Variants in ZNF429 observed in about 807,000 individuals in gnomAD.
ZNF429 encodes zinc finger protein 429.
ZNF429 carries 53 observed loss-of-function variants against 56.8 expected under a neutral mutation model. The observed-to-expected ratio is 0.93, with a 90% CI of 0.75 to 1.17. ZNF429 has a LOEUF of 1.17. ZNF429 is among the 50% of genes most tolerant of loss of function. The pLI is 0.00. For synonymous variants in ZNF429, 278 were observed against 264.7 expected, an observed-to-expected ratio of 1.05 and a Z score of -0.49; for missense variants, 849 against 788.4, an observed-to-expected ratio of 1.08 and a Z score of -0.92.
intron 1 of ZNF429, 112 bp downstream of exon 1, chr19:21,505,886 C>A: frequency 1.7e-6 from 2 of 1,195,028 alleles, no homozygotes; most frequent in Non-Finnish European, 2.4e-6. Context: ...AATCTGCGCC[C>A]GGAATTCTCC....
chr19:21,516,037 GTTTTTTGT>G (rs918578504), intron 1 of ZNF429, among the ~76,000 whole-genome samples: 5 of 151,506 alleles, frequency 3.3e-5, no homozygotes, highest in East Asian at 1.9e-4. Flanking sequence ...CTCCAGCTTT[GTTTTTTGT>G]TTTTTTGTTT....
intron 3 of ZNF429, among the ~76,000 whole-genome samples, chr19:21,532,688 A>G: frequency 6.9e-6 from 1 of 144,378 alleles, no homozygotes; most frequent in Non-Finnish European, 1.5e-5. Flanking sequence ...AGATGCCTCT[A>G]TGTGAGAGGA....
In ZNF429 at chr19:21,538,639, A is replaced by T. The variant is rs1027422236; in HGVS notation, c.*561A>T. ...AAATAAAAGAAAGAAAATTCATAGT[A>T]GAGAGAAACCTTACAAATGTGTAGA... On this transcript the variant is annotated 3_prime_UTR_variant, in exon 4 of 4. Coordinates refer to ENST00000358491, the MANE Select transcript of ZNF429 (RefSeq NM_001001415.4). The T allele has an allele frequency of 6.6e-6, 1 of 152,222 alleles. No homozygotes were observed. Among genetic ancestry groups the T allele is most frequent in the Non-Finnish European group, 1.5e-5 (1 of 68,066 alleles). The allele number at this position is 152,222 out of a possible 1,614,324, so 9.4% of individuals were successfully genotyped here.
chr19:21,510,101 G>T (rs2032378780), intron 1 of ZNF429, among the ~76,000 whole-genome samples: 1 of 152,062 alleles, frequency 6.6e-6, no homozygotes, highest in Admixed American at 6.6e-5. Flanking sequence ...TAGAGGCGGG[G>T]TTTCACCATG....
intron 1 of ZNF429, among the ~76,000 whole-genome samples, chr19:21,513,589 T>C (rs2032601970): frequency 6.6e-6 from 1 of 152,186 alleles, no homozygotes; most frequent in Non-Finnish European, 1.5e-5. Context: ...ATTGAGTTGC[T>C]GTTGGAGAAT....
chr19:21,514,366 CTTG>C (rs1002317411), intron 1 of ZNF429, among the ~76,000 whole-genome samples: 9 of 152,054 alleles, frequency 5.9e-5, no homozygotes, highest in African/African-American at 2.2e-4. Flanking sequence ...GGCCTCAGTG[CTTG>C]TTGTTCCTCT....
rs1007347259 is a variant in ZNF429 at position 21,538,855 on chromosome 19, TATC to T, written c.*781_*783del. On this transcript the variant is annotated 3_prime_UTR_variant, in exon 4 of 4. Coordinates refer to ENST00000358491, the MANE Select transcript of ZNF429 (RefSeq NM_001001415.4). ...TACTGTCAAACAATCTTGTAGAAAA[TATC>T]ATCCTTTAAAGTGAATGAGACTAGT... Among the ~76,000 whole-genome samples, 16 of 152,130 alleles carry T rather than the reference TATC, an allele frequency of 1.1e-4. No homozygotes were observed. Among genetic ancestry groups the T allele is most frequent in the African/African-American group, 2.9e-4 (12 of 41,438 alleles).
intron 3 of ZNF429, among the ~76,000 whole-genome samples, chr19:21,531,093 T>C: frequency 0.25 from 24,986 of 99,100 alleles, 2,551 homozygotes; most frequent in Middle Eastern, 0.37. Context: ...GCAACAAGAG[T>C]GAAACTCCAT....
At chr19:21,529,374 T>C (rs1439016467) in intron 1 of ZNF429, 1 of 387,758 alleles carries the variant, frequency 2.6e-6, no homozygotes. Context: ...TATGTTTCTG[T>C]TCATGCCCTT....
chr19:21,537,016 CT>C lies in ZNF429; in HGVS notation c.966del (p.Phe322LeufsTer40), dbSNP rs1313049070. 6.2e-7 allele frequency: 1 copy of C among 1,610,994 alleles called. No individual in the cohort carries two copies. The highest frequency in any genetic ancestry group is 8.5e-7 in the Non-Finnish European group (1 of 1,179,040). Reference sequence around the variant, plus strand: ...ACAAATGTAAAGAATGTGGCAAAGCCTTTAACCGGTCCTCAACCCTTACTAG... The same window carrying C: ...ACAAATGTAAAGAATGTGGCAAAGCCTTAACCGGTCCTCAACCCTTACTAG... ...PYKCKECGKA[F>X]NRSSTLTSHK... On this transcript the variant is annotated frameshift_variant, in exon 4 of 4. Coordinates refer to ENST00000358491, the MANE Select transcript of ZNF429 (RefSeq NM_001001415.4). LOFTEE classifies it high-confidence loss of function.
chr19:21,537,752 T>C lies in ZNF429; in HGVS notation c.1699T>C (p.Cys567Arg). The C allele has an allele frequency of 1.2e-6, 2 of 1,613,520 alleles. No homozygotes were observed. ...TCATACTGGAGAGAAACCCTACAAATGTAAACAATGTGACAAAGCTTTTAC... is the reference window on the plus strand; with the variant it reads ...TCATACTGGAGAGAAACCCTACAAACGTAAACAATGTGACAAAGCTTTTAC... ...KIHTGEKPYK[C>R]KQCDKAFTHS... Residue 567 changes from cysteine to arginine, a missense_variant, in exon 4 of 4, where the codon TGT (cysteine) becomes CGT (arginine). By Grantham distance (180) the Cys-to-Arg change is radical. Transcript: ENST00000358491.
At chr19:21,506,791 T>G (rs2032192077) in intron 1 of ZNF429, among the ~76,000 whole-genome samples, 1 of 131,016 alleles carries the variant, frequency 7.6e-6, no homozygotes, top group Non-Finnish European at 1.6e-5. Flanking sequence ...TTTTTTGAGA[T>G]GGAGTTTCCC....
intron 1 of ZNF429, chr19:21,521,965 G>A (rs2032999190): frequency 6.6e-6 from 1 of 152,350 alleles, no homozygotes; most frequent in Non-Finnish European, 1.5e-5. Flanking sequence ...TATGATGTGA[G>A]CTGCCAGCTG....
chr19:21,512,876 T>G (rs2032566288), intron 1 of ZNF429, among the ~76,000 whole-genome samples: 1 of 139,622 alleles, frequency 7.2e-6, no homozygotes. Context: ...CATCTAAGTC[T>G]TTTTTTTTTT....
chr19:21,536,339 C>G lies in ZNF429; in HGVS notation c.286C>G (p.Gln96Glu). Residue 96 changes from glutamine to glutamate, a missense_variant, in exon 4 of 4, where the codon CAA (glutamine) becomes GAA (glutamate). Coordinates refer to ENST00000358491, the MANE Select transcript of ZNF429 (RefSeq NM_001001415.4). ...AGAGCAAGACATAAAAGATTCTTTCCAAAAAGTGACACTGAGGAGATATGA... is the reference window on the plus strand; with the variant it reads ...AGAGCAAGACATAAAAGATTCTTTCGAAAAAGTGACACTGAGGAGATATGA... ...WPEQDIKDSF[Q>E]KVTLRRYDKR... 6.2e-7 allele frequency: 1 copy of G among 1,609,898 alleles called. No individual in the cohort carries two copies. Among genetic ancestry groups the G allele is most frequent in the Non-Finnish European group, 8.5e-7 (1 of 1,178,670 alleles).
rs1388503301 is a variant in ZNF429, at chr19:21,529,767, G to A, written c.113G>A (p.Arg38Lys). The change falls in exon 2 of 4, where the codon AGA becomes AAA. Residue 38 changes from arginine to lysine, a missense_variant. Physicochemically the swap from Arg to Lys is conservative, Grantham distance 26. Transcript: ENST00000358491. ...AGAAATGTGATGTTAGAGAACTACA[G>A]AAACTTGGTCTTCCTGGGTGAGAAT... Reference protein sequence around the residue: ...LYRNVMLENYRNLVFLGIAVS... With the variant: ...LYRNVMLENYKNLVFLGIAVS... 4 of 1,587,442 alleles carry A rather than the reference G, an allele frequency of 2.5e-6. No individual in the cohort carries two copies. Among genetic ancestry groups the A allele is most frequent in the Non-Finnish European group, 3.4e-6 (4 of 1,166,674 alleles).
intron 3 of ZNF429, 54 bp from the exon 4 acceptor site, chr19:21,536,226 A>G: frequency 6.7e-7 from 1 of 1,499,124 alleles, no homozygotes; most frequent in South Asian, 1.4e-5. Flanking sequence ...TTTGTGACGT[A>G]TATATATCTG....
intron 3 of ZNF429, among the ~76,000 whole-genome samples, chr19:21,534,352 A>G: frequency 0.016 from 1,645 of 101,324 alleles, 186 homozygotes; most frequent in African/African-American, 0.055. Flanking sequence ...GCCACAAAAC[A>G]TAGTGTGTAA....
intron 1 of ZNF429, among the ~76,000 whole-genome samples, chr19:21,511,813 T>G (rs6511258): frequency 0.81 from 122,659 of 152,148 alleles, 50,108 homozygotes; most frequent in African/African-American, 0.94. Flanking sequence ...ATGAGACTCC[T>G]TCTGCAATCC....
Sources: gnomAD v4.1 joint callset for allele counts (sites outside exome capture counted in the v4.1 genomes callset) on GRCh38, gnomAD v4.1.1 for gene constraint, MANE v1.5 for transcripts, NCBI Gene and HGNC (gene_info 2026-07-23, HGNC 2026-07-21) for gene names.